GPBP1L1: variants seen among roughly 807,000 people sequenced by gnomAD.
GPBP1L1 encodes GC-rich promoter binding protein 1 like 1.
A neutral mutation model predicts 52.5 loss-of-function variants in GPBP1L1; 23 were observed. That is an observed-to-expected ratio of 0.44 (90% CI 0.32 to 0.62). The LOEUF (loss-of-function observed/expected upper bound fraction) is 0.62, where lower values mean the gene tolerates loss of function less well. GPBP1L1 is among the 20% of genes least tolerant of loss of function. The pLI, the probability that GPBP1L1 is intolerant of heterozygous loss-of-function variation, is 0.06. For missense variants in GPBP1L1, 596 were observed against 579.3 expected (o/e 1.03, Z -0.30); for synonymous variants, 243 against 203.1 (o/e 1.20, Z -1.67).
At position 45,659,084 on chromosome 1, in the gene GPBP1L1, CCATTTAGGT is replaced by C; in HGVS notation, c.-6_3del. The C allele has an allele frequency of 6.2e-7, 1 of 1,614,106 alleles. No homozygotes were observed. The highest frequency in any genetic ancestry group is 8.5e-7 in the Non-Finnish European group (1 of 1,179,968). ...CAAGCAGGAACAAAATCATGCTGCG[CCATTTAGGT>C]CCAGTGTCTCCTTTCAGTAAGGTGA... On this transcript the variant is annotated start_lost and 5_prime_UTR_variant, in exon 4 of 13. Coordinates refer to ENST00000355105, the MANE Select transcript of GPBP1L1 (RefSeq NM_021639.5).
intron 8 of GPBP1L1, among the ~76,000 whole-genome samples, chr1:45,637,785 T>A (rs1338596193): frequency 6.6e-6 from 1 of 152,192 alleles, no homozygotes; most frequent in Non-Finnish European, 1.5e-5. Flanking sequence ...CAAACATAAG[T>A]TGTGCTGGCA....
Position 45,654,807 on chromosome 1 carries a change from C to G in GPBP1L1, c.213G>C (p.Leu71=). ...TAGDSWHQPS[L]FRHDSVDSGV... is the part of the protein sequence containing the mutation. ...CAGAGTCCACAGAATCATGGCGGAA[C>G]AGGGAGGGCTGGTGCCAAGAATCTA... Residue 71 remains leucine, a synonymous_variant, in exon 6 of 13, where the codon CTG becomes CTC. Transcript: ENST00000355105. 1.9e-6 allele frequency: 3 copies of G among 1,614,002 alleles called. No individual in the cohort carries two copies. The highest frequency in any genetic ancestry group is 2.2e-5 in the South Asian group (2 of 91,074).
intron 2 of GPBP1L1, among the ~76,000 whole-genome samples, chr1:45,681,467 A>T (rs954053519): frequency 6.6e-6 from 1 of 152,206 alleles, no homozygotes; most frequent in Non-Finnish European, 1.5e-5. Flanking sequence ...ATGGCAGCCA[A>T]TTGCAGTTTG....
intron 2 of GPBP1L1, among the ~76,000 whole-genome samples, chr1:45,670,050 T>C (rs1325153315): frequency 6.6e-6 from 1 of 152,214 alleles, no homozygotes; most frequent in Non-Finnish European, 1.5e-5. Context: ...GGGCAGTACA[T>C]CTTCAACTTC....
rs577365518 is a variant in GPBP1L1 at position 45,681,850 on chromosome 1, A to C, written c.-1098+3726T>G. The stretch of plus-strand genomic sequence containing the variant: ...AAATGGTCTGGCTACAAAGCCAACC[A>C]CTGATTACCATACTATGCCATTTCT... On this transcript the variant is annotated intron_variant, in intron 2 of 12. Transcript: ENST00000355105. 2.6e-5 allele frequency among the ~76,000 whole-genome samples: 4 copies of C among 152,328 alleles called. No homozygotes were observed. The East Asian group carries it at 5.8e-4, about 22-fold the overall frequency.
At chr1:45,684,684 C>G (rs1645257532) in intron 2 of GPBP1L1, among the ~76,000 whole-genome samples, 1 of 151,928 alleles carries the variant, frequency 6.6e-6, no homozygotes, top group African/African-American at 2.4e-5. Flanking sequence ...AGTACCCCCC[C>G]AAAAAATCAA....
chr1:45,654,546 GTCC>G lies in GPBP1L1; in HGVS notation c.471_473del (p.Glu157del). The stretch of plus-strand genomic sequence containing the variant: ...ACATCTAAAGATTCATACTTACAAA[GTCC>G]TCCTCTTCAAACTGCAACTTTTCCA... On this transcript the variant is annotated inframe_deletion, in exon 6 of 13. Coordinates refer to ENST00000355105, the MANE Select transcript of GPBP1L1 (RefSeq NM_021639.5). 1 of 1,608,038 alleles carries G rather than the reference GTCC, an allele frequency of 6.2e-7. No homozygotes were observed. Among genetic ancestry groups the G allele is most frequent in the Non-Finnish European group, 8.5e-7 (1 of 1,175,566 alleles).
At chr1:45,657,531 G>C (rs189530848) in intron 4 of GPBP1L1, among the ~76,000 whole-genome samples, 1 of 151,986 alleles carries the variant, frequency 6.6e-6, no homozygotes, top group South Asian at 2.1e-4. Flanking sequence ...GTAAGACCCC[G>C]TCTCAATAAA....
At chr1:45,669,052 T>C (rs1230257421) in intron 2 of GPBP1L1, among the ~76,000 whole-genome samples, 1 of 152,254 alleles carries the variant, frequency 6.6e-6, no homozygotes, top group Non-Finnish European at 1.5e-5. Flanking sequence ...AAAAGCATAA[T>C]TTTGAGCACA....
intron 2 of GPBP1L1, among the ~76,000 whole-genome samples, chr1:45,677,886 T>C (rs1454488016): frequency 6.6e-6 from 1 of 152,186 alleles, no homozygotes; most frequent in African/African-American, 2.4e-5. Context: ...AGAATTCTCA[T>C]ATATTGCTGA....
At chr1:45,658,210 T>C (rs1461304124) in intron 4 of GPBP1L1, among the ~76,000 whole-genome samples, 1 of 152,214 alleles carries the variant, frequency 6.6e-6, no homozygotes, top group Non-Finnish European at 1.5e-5. Flanking sequence ...AAACAGTTTC[T>C]AGGATTTAAT....
At chr1:45,663,788 A>G (rs768169960) in intron 2 of GPBP1L1, among the ~76,000 whole-genome samples, 1 of 152,242 alleles carries the variant, frequency 6.6e-6, no homozygotes, top group South Asian at 2.1e-4. Context: ...TCTATTAGTC[A>G]AAAGTTTTTG....
chr1:45,651,115 C>T, intron 6 of GPBP1L1: 1 of 503,970 alleles, frequency 2.0e-6, no homozygotes, highest in African/African-American at 1.9e-5. Flanking sequence ...GACATTGCCT[C>T]CCCAGTGATG....
chr1:45,663,953 G>A (rs892963615), intron 2 of GPBP1L1, among the ~76,000 whole-genome samples: 97 of 139,590 alleles, frequency 6.9e-4, no homozygotes, highest in African/African-American at 2.5e-3. Flanking sequence ...AATTCTCTTA[G>A]AACTTTTTTT....
chr1:45,644,034 A>C (rs1461980109), intron 6 of GPBP1L1, among the ~76,000 whole-genome samples: 1 of 152,210 alleles, frequency 6.6e-6, no homozygotes, highest in Non-Finnish European at 1.5e-5. Flanking sequence ...CCCAGGCTCC[A>C]CTACAGAGCT....
intron 2 of GPBP1L1, among the ~76,000 whole-genome samples, chr1:45,661,736 A>G (rs1644949629): frequency 6.6e-6 from 1 of 152,146 alleles, no homozygotes; most frequent in African/African-American, 2.4e-5. Flanking sequence ...TACGTGAGTG[A>G]CCCACCATGC....
chr1:45,665,613 T>C (rs1449317196), intron 2 of GPBP1L1, among the ~76,000 whole-genome samples: 1 of 151,338 alleles, frequency 6.6e-6, no homozygotes, highest in Non-Finnish European at 1.5e-5. Flanking sequence ...TGGTGGTGCA[T>C]GCCTGTAATC....
At chr1:45,641,487 C>T (rs1014928979) in intron 7 of GPBP1L1, among the ~76,000 whole-genome samples, 10 of 151,100 alleles carry the variant, frequency 6.6e-5, no homozygotes, top group African/African-American at 1.9e-4. Context: ...CACACACACA[C>T]GAATATTTAA....
chr1:45,665,598 G>A (rs1459676823), intron 2 of GPBP1L1, among the ~76,000 whole-genome samples: 1 of 151,734 alleles, frequency 6.6e-6, no homozygotes. Flanking sequence ...AAAACTAGCC[G>A]GGTGTGGTGG....
Sources: allele counts gnomAD v4.1 joint callset (sites outside exome capture counted in the v4.1 genomes callset), GRCh38; gene constraint gnomAD v4.1.1; transcripts MANE v1.5; gene names NCBI Gene and HGNC (gene_info 2026-07-23, HGNC 2026-07-21).